GLYATL1: variants seen among roughly 807,000 people sequenced by gnomAD.
GLYATL1 encodes glycine-N-acyltransferase like 1, also known as glycine N-acyltransferase-like protein 1.
A neutral mutation model predicts 20.0 loss-of-function variants in GLYATL1; 15 were observed. The observed-to-expected ratio is 0.75, with a 90% CI of 0.50 to 1.15. The LOEUF (loss-of-function observed/expected upper bound fraction) is 1.15. GLYATL1 is among the 50% of genes most tolerant of loss of function. The pLI, the probability that GLYATL1 is intolerant of heterozygous loss-of-function variation, is 0.00. For synonymous variants in GLYATL1, 151 were observed against 131.5 expected (o/e 1.15, Z -1.01); for missense variants, 380 against 368.5 (o/e 1.03, Z -0.26).
intron 2 of GLYATL1, among the ~76,000 whole-genome samples, chr11:58,946,286 G>A (rs955421570): frequency 2.0e-5 from 3 of 152,136 alleles, no homozygotes; most frequent in Admixed American, 6.5e-5. Context: ...TGGAAAACAT[G>A]CATTCTAATT....
chr11:58,954,161 C>T (rs979108199), intron 4 of GLYATL1, among the ~76,000 whole-genome samples: 2 of 152,182 alleles, frequency 1.3e-5, no homozygotes, highest in Admixed American at 1.3e-4. Flanking sequence ...ACCGTAGATT[C>T]TAGGACACTA....
chr11:58,949,769 T>A (rs1389944936), intron 4 of GLYATL1, among the ~76,000 whole-genome samples: 6 of 152,152 alleles, frequency 3.9e-5, no homozygotes, highest in African/African-American at 9.7e-5. Context: ...CATACCATGT[T>A]TCTTTCAGTA....
intron 4 of GLYATL1, 26 bp from the exon 5 acceptor site, chr11:58,954,744 A>T: frequency 6.4e-7 from 1 of 1,563,836 alleles, no homozygotes; most frequent in Non-Finnish European, 8.6e-7. Context: ...CAAGGGAATG[A>T]CCTGATCTTA....
upstream of GLYATL1, chr11:58,934,538 C>G: frequency 6.6e-6 from 1 of 152,182 alleles, no homozygotes; most frequent in Non-Finnish European, 1.5e-5. Flanking sequence ...CCAACATATT[C>G]AGAAGTGGGC....
At chr11:58,945,326 T>C (rs1471695648) in intron 2 of GLYATL1, among the ~76,000 whole-genome samples, 1 of 152,150 alleles carries the variant, frequency 6.6e-6, no homozygotes, top group African/African-American at 2.4e-5. Flanking sequence ...ATGGTAGGAA[T>C]ACAGGTAGAG....
At chr11:58,949,718 C>T (rs1303239282) in intron 4 of GLYATL1, among the ~76,000 whole-genome samples, 1 of 151,958 alleles carries the variant, frequency 6.6e-6, no homozygotes, top group Non-Finnish European at 1.5e-5. Context: ...AAATACGCTG[C>T]AATTTACTTG....
At chr11:58,906,858 G>C (rs1234479836) in intron 1 of GLYATL1, among the ~76,000 whole-genome samples, 1 of 152,170 alleles carries the variant, frequency 6.6e-6, no homozygotes, top group Non-Finnish European at 1.5e-5. Flanking sequence ...TAAACAACGC[G>C]GTGCTCATTT....
chr11:58,956,211 G>A lies in GLYATL1; in HGVS notation c.*184G>A, dbSNP rs1857410593. On this transcript the variant is annotated 3_prime_UTR_variant, in exon 7 of 7. Coordinates refer to ENST00000532726, the MANE Select transcript of GLYATL1 (RefSeq NM_001389712.2). ...TCTTGAGGAGCTTACAATCCTGGCT[G>A]GAGGCAGGGGAGGGTATATTCTTTA... is the stretch of plus-strand genomic sequence containing the variant. 5.0e-6 allele frequency: 3 copies of A among 605,662 alleles called. No individual in the cohort carries two copies. In the South Asian group the frequency reaches 6.6e-5, roughly 13 times the overall value. 37.5% of individuals were successfully genotyped at this position (605,662 alleles called of 1,614,324 possible). A position where few individuals can be genotyped will look rare whatever the true frequency, so the allele number is the denominator to read the frequency against.
chr11:58,923,192 C>T (rs917565065), upstream of GLYATL1, among the ~76,000 whole-genome samples: 1 of 152,222 alleles, frequency 6.6e-6, no homozygotes, highest in Non-Finnish European at 1.5e-5. Flanking sequence ...TTTACCAGGT[C>T]TCTGAGGCAG....
chr11:58,906,643 G>A (rs1854894191), intron 1 of GLYATL1, among the ~76,000 whole-genome samples: 1 of 152,138 alleles, frequency 6.6e-6, no homozygotes, highest in South Asian at 2.1e-4. Flanking sequence ...ATTTCTCCCC[G>A]GGGCAGAGAT....
downstream of GLYATL1, among the ~76,000 whole-genome samples, chr11:58,910,651 A>G (rs1855018147): frequency 6.6e-6 from 1 of 152,166 alleles, no homozygotes; most frequent in Admixed American, 6.5e-5. Flanking sequence ...ATAGAATGAG[A>G]GGGAAAAATG....
At chr11:58,949,219 C>A (rs1348225886) in intron 4 of GLYATL1, among the ~76,000 whole-genome samples, 2 of 152,194 alleles carry the variant, frequency 1.3e-5, no homozygotes, top group Non-Finnish European at 2.9e-5. Context: ...AGCCCAACTT[C>A]ATGTAGGTGT....
intron 1 of GLYATL1, among the ~76,000 whole-genome samples, chr11:58,913,704 A>G (rs1590766868): frequency 6.6e-6 from 1 of 152,250 alleles, no homozygotes; most frequent in Non-Finnish European, 1.5e-5. Context: ...GGCAGAAGGG[A>G]AAAGAGAATG....
chr11:58,949,041 G>A (rs1856785501), intron 4 of GLYATL1, among the ~76,000 whole-genome samples: 3 of 152,210 alleles, frequency 2.0e-5, no homozygotes, highest in South Asian at 2.1e-4. Context: ...GCACATAACT[G>A]TAAATAGTGT....
intron 4 of GLYATL1, among the ~76,000 whole-genome samples, chr11:58,951,000 T>C (rs1856950472): frequency 6.6e-6 from 1 of 152,208 alleles, no homozygotes; most frequent in Non-Finnish European, 1.5e-5. Flanking sequence ...ATAATTATTT[T>C]CTATTTTATT....
upstream of GLYATL1, among the ~76,000 whole-genome samples, chr11:58,927,333 T>C (rs1193589159): frequency 6.6e-6 from 1 of 152,218 alleles, no homozygotes; most frequent in African/African-American, 2.4e-5. Context: ...GAATTATAAT[T>C]TGGGATGTCA....
upstream of GLYATL1, among the ~76,000 whole-genome samples, chr11:58,923,689 C>T (rs966709980): frequency 2.0e-5 from 3 of 152,176 alleles, no homozygotes; most frequent in African/African-American, 7.2e-5. Context: ...CTGGGGCATC[C>T]CTCTCCTTGC....
chr11:58,931,724 C>A (rs145096089), intron 1 of GLYATL1, among the ~76,000 whole-genome samples: 2 of 152,064 alleles, frequency 1.3e-5, no homozygotes, highest in East Asian at 1.9e-4. Flanking sequence ...CTTTATGACA[C>A]CTGAGAATAA....
intron 1 of GLYATL1, chr11:58,928,763 C>T (rs1346940600): frequency 2.0e-5 from 3 of 152,176 alleles, no homozygotes; most frequent in African/African-American, 4.8e-5. Context: ...TTTGAGTAAA[C>T]ACACTTGTGG....
Sources: gnomAD v4.1 joint callset for allele counts (sites outside exome capture counted in the v4.1 genomes callset) on GRCh38, gnomAD v4.1.1 for gene constraint, MANE v1.5 for transcripts, NCBI Gene and HGNC (gene_info 2026-07-23, HGNC 2026-07-21) for gene names.